Variants in EPHA7 observed in about 807,000 individuals in gnomAD.
The protein encoded by EPHA7 is EPH receptor A7.
EPHA7 carries 25 observed loss-of-function variants against 112.6 expected under a neutral mutation model. The observed-to-expected ratio is 0.22, with a 90% confidence interval of 0.16 to 0.31. The LOEUF (loss-of-function observed/expected upper bound fraction) is 0.31. Among genes scored for constraint, EPHA7 ranks in the 10% least tolerant of loss-of-function variants. The probability of loss-of-function intolerance (pLI) is 1.00; values close to 1 mark genes in which losing one functional copy is unlikely to be tolerated. For synonymous variants in EPHA7, 437 were observed against 406.5 expected, an observed-to-expected ratio of 1.07 and a Z score of -0.90; for missense variants, 962 against 1,212.6, an observed-to-expected ratio of 0.79 and a Z score of 3.07.
rs781190788 is a variant in EPHA7 at position 93,257,502 on chromosome 6, A to G, written c.2132T>C (p.Ile711Thr). Reference sequence around the variant, plus strand: ...TAGGGCTCCATTTTCCATGAACTCTATTACTATCATGACTGGTTTCCCTAA... The same window carrying G: ...TAGGGCTCCATTTTCCATGAACTCTGTTACTATCATGACTGGTTTCCCTAA... ...VTRGKPVMIV[I>T]EFMENGALDA... Residue 711 changes from isoleucine to threonine, a missense_variant, in exon 12 of 17, where the codon ATA becomes ACA. This residue lies in a region of EPHA7 where 746 missense variants were observed against 889.2 expected (regional missense o/e 0.84). Transcript: ENST00000369303. 1 of 1,610,822 alleles carries G rather than the reference A, an allele frequency of 6.2e-7. No individual in the cohort carries two copies. The highest frequency in any genetic ancestry group is 8.5e-7 in the Non-Finnish European group (1 of 1,178,340).
In EPHA7 at chr6:93,263,212, T is replaced by C. The variant is rs182610652; in HGVS notation, c.1798+648A>G. ...ATAACAGTTACTCTCAGTGCTCTCATTTTCACATGCCATCTTGTTTCATTG... is the reference window on the plus strand; with the variant it reads ...ATAACAGTTACTCTCAGTGCTCTCACTTTCACATGCCATCTTGTTTCATTG... On this transcript the variant is annotated intron_variant, in intron 9 of 16. Transcript: ENST00000369303. 1.9e-3 allele frequency among the ~76,000 whole-genome samples: 294 copies of C among 151,488 alleles called. 1 individual carries two copies. The Middle Eastern group carries it at 0.02, about 11-fold the overall frequency.
At chr6:93,391,516 C>T (rs1208322557) in intron 3 of EPHA7, among the ~76,000 whole-genome samples, 1 of 151,846 alleles carries the variant, frequency 6.6e-6, no homozygotes, top group Non-Finnish European at 1.5e-5. Context: ...CAGAGAAGGA[C>T]CAAGGCAAGG....
chr6:93,353,843 C>T (rs1775813935), intron 5 of EPHA7, among the ~76,000 whole-genome samples: 1 of 151,880 alleles, frequency 6.6e-6, no homozygotes, highest in African/African-American at 2.4e-5. Context: ...CCCTATTCTT[C>T]CTGTGAGCAA....
intron 5 of EPHA7, among the ~76,000 whole-genome samples, chr6:93,309,235 C>T (rs1223244791): frequency 6.6e-6 from 1 of 152,230 alleles, no homozygotes; most frequent in Non-Finnish European, 1.5e-5. Flanking sequence ...AGGCGTGAGC[C>T]ACCGCACCCA....
chr6:93,343,696 G>A (rs924455857), intron 5 of EPHA7, among the ~76,000 whole-genome samples: 16 of 151,488 alleles, frequency 1.1e-4, no homozygotes, highest in Admixed American at 2.0e-4. Context: ...AAAAATGGTC[G>A]AAAAAAGAGT....
chr6:93,385,215 T>C (rs1429386922), intron 3 of EPHA7, among the ~76,000 whole-genome samples: 1 of 152,128 alleles, frequency 6.6e-6, no homozygotes, highest in African/African-American at 2.4e-5. Flanking sequence ...TGATTGCAAA[T>C]GTATAATGGT....
At position 93,385,827 on chromosome 6, in the gene EPHA7, TCA is replaced by T. The variant is rs1230856785; in HGVS notation, c.832+24672_832+24673del. 9.2e-5 allele frequency among the ~76,000 whole-genome samples: 14 copies of T among 152,274 alleles called. No homozygotes were observed. In the East Asian group the frequency reaches 2.7e-3, roughly 29 times the overall value. ...TATAAAGGAAAGAGGTTTAATTGAC[TCA>T]CAGTTCTGCATAACTGGGAAGGTCT... is the stretch of plus-strand genomic sequence containing the variant. On this transcript the variant is annotated intron_variant, in intron 3 of 16. Coordinates refer to ENST00000369303, the MANE Select transcript of EPHA7 (RefSeq NM_004440.4).
intron 3 of EPHA7, among the ~76,000 whole-genome samples, chr6:93,367,711 T>C (rs543342297): frequency 6.6e-6 from 1 of 152,198 alleles, no homozygotes; most frequent in Admixed American, 6.5e-5. Context: ...AGTCCAGTTT[T>C]CCCATATATA....
intron 3 of EPHA7, among the ~76,000 whole-genome samples, chr6:93,396,308 TA>T (rs1477301966): frequency 6.6e-6 from 1 of 151,906 alleles, no homozygotes; most frequent in East Asian, 1.9e-4. Context: ...TCATTTTATA[TA>T]AACTGTTACT....
At chr6:93,359,171 T>C (rs963307530) in intron 3 of EPHA7, among the ~76,000 whole-genome samples, 3 of 152,122 alleles carry the variant, frequency 2.0e-5, no homozygotes, top group Non-Finnish European at 4.4e-5. Flanking sequence ...ACAGCAACTT[T>C]TCTCAGCAAC....
At chr6:93,332,675 T>C (rs1774655755) in intron 5 of EPHA7, among the ~76,000 whole-genome samples, 1 of 151,616 alleles carries the variant, frequency 6.6e-6, no homozygotes. Context: ...TTTCAGAAAA[T>C]GCCTTAAAAT....
chr6:93,288,443 G>A (rs1304854782), intron 5 of EPHA7, among the ~76,000 whole-genome samples: 3 of 152,140 alleles, frequency 2.0e-5, no homozygotes, highest in Non-Finnish European at 4.4e-5. Context: ...GGGATCTTAT[G>A]GGGTTATGGA....
intron 4 of EPHA7, among the ~76,000 whole-genome samples, chr6:93,357,722 C>T (rs1490015669): frequency 6.7e-6 from 1 of 150,260 alleles, no homozygotes; most frequent in African/African-American, 2.5e-5. Flanking sequence ...GGCACAATCT[C>T]GGCTCACTGC....
At chr6:93,407,784 A>G (rs1445703824) in intron 3 of EPHA7, among the ~76,000 whole-genome samples, 1 of 152,032 alleles carries the variant, frequency 6.6e-6, no homozygotes, top group Non-Finnish European at 1.5e-5. Flanking sequence ...TAATTTTGGT[A>G]GTAAAATGTT....
intron 5 of EPHA7, among the ~76,000 whole-genome samples, chr6:93,289,571 C>T (rs1772249353): frequency 6.6e-6 from 1 of 151,770 alleles, no homozygotes; most frequent in African/African-American, 2.4e-5. Context: ...TTGCATTGGG[C>T]CAAGATCGCG....
Position 93,356,868 on chromosome 6 carries a change from C to T in EPHA7, c.1173G>A (p.Gln391=). 6.2e-7 allele frequency: 1 copy of T among 1,614,174 alleles called. No homozygotes were observed. The highest frequency in any genetic ancestry group is 8.5e-7 in the Non-Finnish European group (1 of 1,180,030). Residue 391 remains glutamine (Q), a synonymous_variant, in exon 5 of 17, where the codon CAG becomes CAA. Transcript: ENST00000369303. The part of the protein sequence containing the change: ...PCGSNIGYMP[Q]QTGLEDNYVT... ...CATAGTTATCCTCTAATCCAGTCTG[C>T]TGGGGCATGTATCCAATGTTACTCC...
intron 5 of EPHA7, among the ~76,000 whole-genome samples, chr6:93,355,163 A>T (rs1435405308): frequency 6.6e-6 from 1 of 152,168 alleles, no homozygotes; most frequent in African/African-American, 2.4e-5. Flanking sequence ...TAAAATAGGT[A>T]AGTCCAGGTA....
At chr6:93,411,282 A>G (rs1778966048) in intron 2 of EPHA7, 112 bp from the exon 3 acceptor site, 2 of 809,316 alleles carry the variant, frequency 2.5e-6, no homozygotes, top group Admixed American at 5.2e-5. Context: ...GTTGATTCCT[A>G]TGCTGGCAAA....
intron 9 of EPHA7, among the ~76,000 whole-genome samples, chr6:93,262,421 A>G (rs1177525389): frequency 6.7e-6 from 1 of 148,546 alleles, no homozygotes; most frequent in African/African-American, 2.5e-5. Context: ...ATTCAGGGGT[A>G]TATTAAGTTT....
Sources: gnomAD v4.1 joint callset for allele counts (sites outside exome capture counted in the v4.1 genomes callset) on GRCh38, gnomAD v4.1.1 for gene constraint, gnomAD v4.1.1 regional missense constraint, MANE v1.5 for transcripts, NCBI Gene and HGNC (gene_info 2026-07-23, HGNC 2026-07-21) for gene names.